Variants in PTCD1 observed in about 807,000 individuals in gnomAD.
The protein encoded by PTCD1 is pentatricopeptide repeat domain 1, also known as pentatricopeptide repeat-containing protein 1, mitochondrial.
PTCD1 carries 50 observed loss-of-function variants against 53.4 expected under a neutral mutation model. That is an observed-to-expected ratio of 0.94 (90% CI 0.75 to 1.19). The LOEUF (loss-of-function observed/expected upper bound fraction) is 1.19. PTCD1 is among the 50% of genes most tolerant of loss of function. PTCD1 has a pLI of 0.00. For missense variants in PTCD1, 918 were observed against 904.8 expected, an observed-to-expected ratio of 1.01 and a Z score of -0.19; for synonymous variants, 413 against 394.8, an observed-to-expected ratio of 1.05 and a Z score of -0.55.
At chr7:99,426,630 G>T (rs1326194580) in intron 5 of PTCD1, among the ~76,000 whole-genome samples, 39 of 152,216 alleles carry the variant, frequency 2.6e-4, no homozygotes, top group Non-Finnish European at 5.3e-4. Flanking sequence ...TCTCTGCCTG[G>T]CCGCCCATCG....
chr7:99,425,845 C>A (rs1562841528), intron 5 of PTCD1, among the ~76,000 whole-genome samples: 1 of 152,166 alleles, frequency 6.6e-6, no homozygotes, highest in Non-Finnish European at 1.5e-5. Context: ...GGCAGGCAGA[C>A]TCCTTGAGAT....
chr7:99,435,882 C>G (rs2150962238), intron 1 of PTCD1, among the ~76,000 whole-genome samples: 1 of 150,998 alleles, frequency 6.6e-6, no homozygotes, highest in South Asian at 2.1e-4. Context: ...TTGCAGTGAG[C>G]TGAGATCGCG....
chr7:99,419,160 A>C lies in PTCD1; in HGVS notation c.*807T>G, dbSNP rs2150941939. ...ATTGGCAAACGTGTGTTGGATTTGC[A>C]GAACATATTATAAATAGACATACAG... On this transcript the variant is annotated 3_prime_UTR_variant, in exon 8 of 8. Coordinates refer to ENST00000292478, the MANE Select transcript of PTCD1 (RefSeq NM_015545.4). 3 of 569,858 alleles carry C rather than the reference A, an allele frequency of 5.3e-6. No homozygotes were observed. The Admixed American group carries it at 9.4e-5, about 18-fold the overall frequency. 35.3% of individuals were successfully genotyped at this position (569,858 alleles called of 1,614,324 possible).
At chr7:99,433,474 A>C in intron 2 of PTCD1, 56 bp from the exon 3 acceptor site, 2 of 1,612,900 alleles carry the variant, frequency 1.2e-6, no homozygotes, top group Admixed American at 3.3e-5. Context: ...GACCCTCAGC[A>C]GAGAGAGGGA....
intron 3 of PTCD1, among the ~76,000 whole-genome samples, chr7:99,431,865 G>A (rs1796265835): frequency 2.0e-5 from 3 of 152,234 alleles, no homozygotes; most frequent in African/African-American, 4.8e-5. Flanking sequence ...GCCTTGAGAT[G>A]CTGTTAAACT....
intron 6 of PTCD1, among the ~76,000 whole-genome samples, chr7:99,424,206 AATG>A (rs1172561858): frequency 6.6e-6 from 1 of 152,182 alleles, no homozygotes. Flanking sequence ...TCAGGCAGAA[AATG>A]ATGTGGGAGA....
At chr7:99,432,107 A>G (rs1465446759) in intron 3 of PTCD1, among the ~76,000 whole-genome samples, 1 of 152,192 alleles carries the variant, frequency 6.6e-6, no homozygotes, top group Non-Finnish European at 1.5e-5. Context: ...GTTTCTCCCC[A>G]TGTGATAGCC....
At chr7:99,437,839 A>C (rs1796548744) in intron 1 of PTCD1, among the ~76,000 whole-genome samples, 4 of 151,810 alleles carry the variant, frequency 2.6e-5, no homozygotes, top group African/African-American at 7.3e-5. Context: ...CAATTTTTAT[A>C]TTTTCAGTAG....
At chr7:99,425,865 G>A (rs924976562) in intron 5 of PTCD1, among the ~76,000 whole-genome samples, 2 of 152,168 alleles carry the variant, frequency 1.3e-5, no homozygotes, top group African/African-American at 4.8e-5. Flanking sequence ...TCAGGAGTTC[G>A]AGACCAGCCC....
chr7:99,437,636 T>C (rs970068942), intron 1 of PTCD1, among the ~76,000 whole-genome samples: 3 of 152,124 alleles, frequency 2.0e-5, no homozygotes, highest in African/African-American at 7.2e-5. Context: ...GTAATAAATG[T>C]AAGTGACAGC....
chr7:99,420,609 A>G (rs1431760663), intron 7 of PTCD1, among the ~76,000 whole-genome samples: 1 of 152,258 alleles, frequency 6.6e-6, no homozygotes, highest in Non-Finnish European at 1.5e-5. Flanking sequence ...TGGTAGGGGA[A>G]TATACCAAAA....
chr7:99,435,822 C>A (rs1796444655), intron 1 of PTCD1, among the ~76,000 whole-genome samples: 1 of 151,126 alleles, frequency 6.6e-6, no homozygotes, highest in African/African-American at 2.4e-5. Context: ...CTAATCCCAG[C>A]TACTGAGGAG....
At position 99,417,540 on chromosome 7, in the gene PTCD1, A is replaced by T; in HGVS notation, c.*2427T>A. 1 of 1,612,174 alleles carries T rather than the reference A, an allele frequency of 6.2e-7. No individual in the cohort carries two copies. Among genetic ancestry groups the T allele is most frequent in the Non-Finnish European group, 8.5e-7 (1 of 1,178,552 alleles). ...TGCCTGCGGTGCATTCAGACACGGG[A>T]CACCAACTTCGGGACGAACTGCATC... On this transcript the variant is annotated 3_prime_UTR_variant, in exon 8 of 8. Transcript: ENST00000292478.
chr7:99,433,501 C>A (rs997134671), intron 2 of PTCD1, 83 bp from the exon 3 acceptor site: 10 of 1,608,978 alleles, frequency 6.2e-6, no homozygotes, highest in Non-Finnish European at 7.6e-6. Flanking sequence ...AGCTGAGGGA[C>A]CCTCCTAAAA....
intron 7 of PTCD1, among the ~76,000 whole-genome samples, chr7:99,423,466 T>G (rs1416748840): frequency 6.6e-6 from 1 of 152,034 alleles, no homozygotes; most frequent in East Asian, 1.9e-4. Context: ...CCAGGAAAAG[T>G]GGGTGCCACC....
chr7:99,434,051 C>CAAAAAAAA (rs552163766), intron 2 of PTCD1, among the ~76,000 whole-genome samples: 4 of 48,618 alleles, frequency 8.2e-5, no homozygotes, highest in Non-Finnish European at 1.2e-4. Flanking sequence ...GACTCCATCT[C>CAAAAAAAA]AAAAAAAAAA....
At chr7:99,422,851 T>C (rs753467672) in intron 7 of PTCD1, among the ~76,000 whole-genome samples, 1 of 152,216 alleles carries the variant, frequency 6.6e-6, no homozygotes, top group Admixed American at 6.5e-5. Flanking sequence ...ATACATGCTA[T>C]GTAAATGGCA....
Position 99,425,445 on chromosome 7 carries a change from G to A in PTCD1, c.1087C>T (p.Pro363Ser). The change falls in exon 6 of 8, where the codon CCA becomes TCA. Residue 363 changes from proline to serine, a missense_variant. Transcript: ENST00000292478. The part of the protein sequence containing the change: ...VLQPPVSRQR[P>S]RRTAQAKAGN... ...GCCTTGGCCTGGGCTGTCCTCCTTG[G>A]CCGCTGCCTGCTCACTGGGGGCTGA... 6.2e-7 allele frequency: 1 copy of A among 1,613,906 alleles called. No homozygotes were observed. The highest frequency in any genetic ancestry group is 8.5e-7 in the Non-Finnish European group (1 of 1,180,018).
Position 99,419,544 on chromosome 7 carries a change from C to A in PTCD1, c.*423G>T. The A allele has an allele frequency of 7.3e-7, 1 of 1,365,574 alleles. No homozygotes were observed. Among genetic ancestry groups the A allele is most frequent in the Non-Finnish European group, 1.0e-6 (1 of 969,088 alleles). 84.6% of individuals were successfully genotyped at this position (1,365,574 alleles called of 1,614,324 possible). On this transcript the variant is annotated 3_prime_UTR_variant, in exon 8 of 8. Transcript: ENST00000292478. The stretch of plus-strand genomic sequence containing the variant: ...GCAGTGCCCCAGGCCCGAGTTGGAG[C>A]ACGGTCTCTATGGGGAAGGCTTCGC...
Sources: allele counts gnomAD v4.1 joint callset (sites outside exome capture counted in the v4.1 genomes callset), GRCh38; gene constraint gnomAD v4.1.1; transcripts MANE v1.5; gene names NCBI Gene and HGNC (gene_info 2026-07-23, HGNC 2026-07-21).